SNTG2: variants seen among roughly 807,000 people sequenced by gnomAD.
SNTG2 encodes the protein gamma-2-syntrophin.
In SNTG2, 74 loss-of-function variants were observed where a neutral mutation model predicts 70.9. The ratio of observed to expected loss-of-function variants is 1.04; its 90% CI spans 0.86 to 1.27. SNTG2 has a LOEUF of 1.27. Among genes scored for constraint, SNTG2 ranks in the 50% most tolerant of loss-of-function variants. The probability of loss-of-function intolerance (pLI) is 0.00; values close to 1 mark genes in which losing one functional copy is unlikely to be tolerated. For synonymous variants in SNTG2, 278 were observed against 273.8 expected (o/e 1.02, Z -0.15); for missense variants, 717 against 690.7 (o/e 1.04, Z -0.43).
intron 1 of SNTG2, among the ~76,000 whole-genome samples, chr2:958,350 T>G (rs957391741): frequency 6.6e-6 from 1 of 152,162 alleles, no homozygotes; most frequent in Non-Finnish European, 1.5e-5. Flanking sequence ...TCATACAAAA[T>G]GGGAACAGGT....
intron 15 of SNTG2, among the ~76,000 whole-genome samples, chr2:1,314,604 C>T (rs574787978): frequency 7.2e-5 from 11 of 152,366 alleles, no homozygotes; most frequent in African/African-American, 2.6e-4. Context: ...CCAGTACTCA[C>T]ATCACGCTCT....
At chr2:1,238,313 T>C (rs1054444128) in intron 10 of SNTG2, among the ~76,000 whole-genome samples, 2 of 152,224 alleles carry the variant, frequency 1.3e-5, no homozygotes, top group Middle Eastern at 3.4e-3. Context: ...TCCACACACA[T>C]ATACAGAAAT....
rs140339650 is a variant in SNTG2, at chr2:979,773, T to A, written c.72+28705T>A. Among the ~76,000 whole-genome samples, 680 of 152,330 alleles carry A rather than the reference T, an allele frequency of 4.5e-3. 5 individuals are homozygous for A. Among genetic ancestry groups the A allele is most frequent in the African/African-American group, 0.016 (651 of 41,570 alleles). On this transcript the variant is annotated intron_variant, in intron 1 of 16. Transcript: ENST00000308624. ...GCTGCTACAGTGGAGTGATTTTCCA[T>A]TTTAAGATCTTTTAACTCTTAGTGG...
At chr2:1,169,182 T>C (rs1206503150) in intron 7 of SNTG2, among the ~76,000 whole-genome samples, 3 of 152,174 alleles carry the variant, frequency 2.0e-5, no homozygotes, top group Non-Finnish European at 2.9e-5. Flanking sequence ...CTAAGACTTT[T>C]CATAGATTTT....
chr2:1,263,404 T>C (rs1344955257), intron 13 of SNTG2, among the ~76,000 whole-genome samples: 1 of 152,196 alleles, frequency 6.6e-6, no homozygotes, highest in African/African-American at 2.4e-5. Flanking sequence ...CAAAACATAG[T>C]AATAAGTTTA....
rs77379447 is a variant in SNTG2, at chr2:1,116,287, C to T, written c.325+17877C>T. On this transcript the variant is annotated intron_variant, in intron 4 of 16. Coordinates refer to ENST00000308624, the MANE Select transcript of SNTG2 (RefSeq NM_018968.4). ...AATGTTTTTCTCTTATTCACTAGAA[C>T]ACTTTATCAGCCTGACAACATTGGA... Among the ~76,000 whole-genome samples the T allele has an allele frequency of 5.4e-3, 829 of 152,296 alleles. 9 individuals are homozygous for T. The highest frequency in any genetic ancestry group is 0.019 in the African/African-American group (795 of 41,562).
At chr2:1,297,891 G>A (rs1286658751) in intron 14 of SNTG2, among the ~76,000 whole-genome samples, 5 of 152,158 alleles carry the variant, frequency 3.3e-5, no homozygotes, top group Non-Finnish European at 7.3e-5. Context: ...AGCAAGGAAC[G>A]GAGTAGTGAG....
At chr2:1,187,559 A>C (rs190474743) in intron 8 of SNTG2, among the ~76,000 whole-genome samples, 273 of 152,270 alleles carry the variant, frequency 1.8e-3, no homozygotes, top group Non-Finnish European at 3.1e-3. Context: ...AAATAAATTT[A>C]TCTCTCTACA....
intron 6 of SNTG2, among the ~76,000 whole-genome samples, chr2:1,148,547 G>T (rs67897322): frequency 0.98 from 149,698 of 152,240 alleles, 73,647 homozygotes; most frequent in East Asian, 1. Context: ...TGCTGAAGAT[G>T]CCAGCTTGCT....
At chr2:1,197,210 A>G (rs1363997594) in intron 8 of SNTG2, among the ~76,000 whole-genome samples, 1 of 152,116 alleles carries the variant, frequency 6.6e-6, no homozygotes. Context: ...ACCCAATTAT[A>G]TGCTGCCCAC....
At chr2:1,098,131 T>C in intron 2 of SNTG2, 65 bp from the exon 3 acceptor site, 1 of 1,537,068 alleles carries the variant, frequency 6.5e-7, no homozygotes, top group Admixed American at 1.8e-5. Flanking sequence ...AGAATTTCTT[T>C]TGAATTCACT....
chr2:1,247,533 G>C, intron 12 of SNTG2, 90 bp downstream of exon 12: 2 of 901,184 alleles, frequency 2.2e-6, no homozygotes, highest in Non-Finnish European at 3.6e-6. Flanking sequence ...GTTTGGAGGA[G>C]GACAGACAGA....
intron 6 of SNTG2, among the ~76,000 whole-genome samples, chr2:1,142,088 T>C (rs1668791310): frequency 6.6e-6 from 1 of 152,234 alleles, no homozygotes; most frequent in Non-Finnish European, 1.5e-5. Flanking sequence ...GGGCTGCTGT[T>C]CTGGGAACTG....
intron 1 of SNTG2, among the ~76,000 whole-genome samples, chr2:961,043 C>T (rs910342916): frequency 2.0e-5 from 3 of 152,202 alleles, no homozygotes; most frequent in African/African-American, 7.2e-5. Context: ...TTTATGATTT[C>T]TGATTTTATC....
At chr2:986,667 C>T (rs1661334303) in intron 1 of SNTG2, among the ~76,000 whole-genome samples, 1 of 152,160 alleles carries the variant, frequency 6.6e-6, no homozygotes, top group Non-Finnish European at 1.5e-5. Context: ...TGTGAAATGT[C>T]TAGGCAAGAT....
chr2:1,041,513 G>T (rs1388655619), intron 1 of SNTG2, among the ~76,000 whole-genome samples: 1 of 152,150 alleles, frequency 6.6e-6, no homozygotes, highest in African/African-American at 2.4e-5. Flanking sequence ...CAGTGTTGGA[G>T]GTGGAGCCTG....
At chr2:1,365,407 T>A (rs55825556) in intron 16 of SNTG2, among the ~76,000 whole-genome samples, 109,818 of 152,160 alleles carry the variant, frequency 0.72, 39,932 homozygotes, top group East Asian at 0.94. Flanking sequence ...TTCACATGCA[T>A]AGGAAGGAAC....
At chr2:976,996 T>C (rs1660925421) in intron 1 of SNTG2, among the ~76,000 whole-genome samples, 2 of 152,134 alleles carry the variant, frequency 1.3e-5, no homozygotes, top group African/African-American at 2.4e-5. Context: ...TTCTCAAGGA[T>C]TGGAGGTGGC....
At position 956,534 on chromosome 2, in the gene SNTG2, G is replaced by GC. The variant is rs1046032373; in HGVS notation, c.72+5471dup. ...CTGCATCTCACCAGGCGCAGCACCTGCCCCCGCAACCCATGCCCCTTCCTG... is the reference window on the plus strand; with the variant it reads ...CTGCATCTCACCAGGCGCAGCACCTGCCCCCCGCAACCCATGCCCCTTCCTG... On this transcript the variant is annotated intron_variant, in intron 1 of 16. Transcript: ENST00000308624. 1.4e-3 allele frequency among the ~76,000 whole-genome samples: 212 copies of GC among 152,296 alleles called. 2 individuals are homozygous for GC. The highest frequency in any genetic ancestry group is 6.6e-3 in the East Asian group (34 of 5,166).
Sources: gnomAD v4.1 joint callset for allele counts (sites outside exome capture counted in the v4.1 genomes callset) on GRCh38, gnomAD v4.1.1 for gene constraint, MANE v1.5 for transcripts, NCBI Gene and HGNC (gene_info 2026-07-23, HGNC 2026-07-21) for gene names.